The following ASPH variants were observed in gnomAD, a reference collection of about 807,000 sequenced individuals.
ASPH encodes aspartyl/asparaginyl beta-hydroxylase.
In ASPH, 100 loss-of-function variants were observed where a neutral mutation model predicts 118.4. The ratio of observed to expected loss-of-function variants is 0.84; its 90% CI spans 0.72 to 1.00. ASPH has a LOEUF of 1.00. ASPH is among the 50% of genes least tolerant of loss of function. ASPH has a pLI of 0.00. For synonymous variants in ASPH, 315 were observed against 325.6 expected, an observed-to-expected ratio of 0.97 and a Z score of 0.35; for missense variants, 920 against 919.5, an observed-to-expected ratio of 1.00 and a Z score of -0.01.
At chr8:61,537,738 C>A (rs1425370835) in intron 21 of ASPH, among the ~76,000 whole-genome samples, 4 of 152,134 alleles carry the variant, frequency 2.6e-5, no homozygotes, top group Non-Finnish European at 4.4e-5. Flanking sequence ...GAGTACCAAC[C>A]TAGAGGTATA....
At chr8:61,541,423 G>A (rs996739760) in intron 21 of ASPH, among the ~76,000 whole-genome samples, 1 of 152,172 alleles carries the variant, frequency 6.6e-6, no homozygotes, top group Non-Finnish European at 1.5e-5. Flanking sequence ...CCAAAATCTG[G>A]GTAATTATTC....
chr8:61,517,371 A>G (rs928383156), intron 24 of ASPH, 157 bp downstream of exon 24: 79 of 1,075,174 alleles, frequency 7.3e-5, no homozygotes, highest in Non-Finnish European at 1.0e-4. Context: ...GAAAGCACCA[A>G]GAAGGGATAT....
At chr8:61,539,699 G>GGTGTGTGTGTGTGT (rs10522481) in intron 21 of ASPH, among the ~76,000 whole-genome samples, 6,610 of 124,016 alleles carry the variant, frequency 0.053, 353 homozygotes, top group Non-Finnish European at 0.072. Flanking sequence ...ACACTTCTGG[G>GGTGTGTGTGTGTGT]GTGTGTGTGT....
intron 16 of ASPH, 185 bp downstream of exon 16, chr8:61,576,587 G>A: frequency 4.0e-6 from 2 of 502,534 alleles, no homozygotes; most frequent in African/African-American, 1.9e-5. Flanking sequence ...AGGGGGAGCA[G>A]AAAAAAATGT....
Position 61,500,942 on chromosome 8 carries a change from C to T in ASPH, c.*2417G>A, listed in dbSNP as rs1254929281. ...TATTACTAATCTTAATTATTTATTA[C>T]ATCATCTCTTTCTCAATGGATCTAA... On this transcript the variant is annotated 3_prime_UTR_variant, in exon 25 of 25. Coordinates refer to ENST00000379454, the MANE Select transcript of ASPH (RefSeq NM_004318.4). The T allele has an allele frequency of 2.0e-5, 3 of 152,068 alleles. No homozygotes were observed. The highest frequency in any genetic ancestry group is 2.0e-4 in the Admixed American group (3 of 15,268). The allele number at this position is 152,068 out of a possible 1,614,324, so 9.4% of individuals were successfully genotyped here.
intron 13 of ASPH, chr8:61,632,581 C>A: frequency 2.3e-6 from 1 of 441,484 alleles, no homozygotes; most frequent in Non-Finnish European, 4.4e-6. Context: ...TAGTAGTCAT[C>A]ATGTAAAAGG....
At chr8:61,646,575 A>G (rs1272285748) in intron 6 of ASPH, among the ~76,000 whole-genome samples, 175 bp downstream of exon 6, 1 of 152,222 alleles carries the variant, frequency 6.6e-6, no homozygotes, top group Non-Finnish European at 1.5e-5. Context: ...GCTTTGAACC[A>G]AAATCAAGGT....
intron 17 of ASPH, among the ~76,000 whole-genome samples, chr8:61,563,920 C>T (rs1253055766): frequency 2.6e-5 from 4 of 152,224 alleles, no homozygotes; most frequent in Admixed American, 2.6e-4. Context: ...AACTTCACCA[C>T]CATGTCATTT....
intron 1 of ASPH, among the ~76,000 whole-genome samples, chr8:61,702,162 G>A (rs1835374364): frequency 6.6e-6 from 1 of 151,606 alleles, no homozygotes; most frequent in Non-Finnish European, 1.5e-5. Context: ...GAAATTTTAA[G>A]TAGTCCTGTA....
At chr8:61,631,027 A>T (rs1855338949) in intron 13 of ASPH, among the ~76,000 whole-genome samples, 1 of 152,176 alleles carries the variant, frequency 6.6e-6, no homozygotes, top group African/African-American at 2.4e-5. Context: ...AAAAAAGTTT[A>T]AAAAGTTAAA....
chr8:61,657,473 G>C (rs561782633), intron 3 of ASPH: 1 of 152,248 alleles, frequency 6.6e-6, no homozygotes, highest in South Asian at 2.1e-4. Flanking sequence ...GTACTGTACC[G>C]AATACTGTAG....
chr8:61,628,439 C>A, intron 13 of ASPH: 1 of 291,946 alleles, frequency 3.4e-6, no homozygotes, highest in Non-Finnish European at 6.6e-6. Flanking sequence ...AAAGTGCTGA[C>A]ACTACATGCG....
intron 14 of ASPH, among the ~76,000 whole-genome samples, chr8:61,597,196 G>GAAAAAAA (rs34291472): frequency 8.9e-6 from 1 of 112,802 alleles, no homozygotes; most frequent in Non-Finnish European, 1.7e-5. Context: ...ATCCAGTCAG[G>GAAAAAAA]AAAAAAAAAA....
chr8:61,552,714 AC>A (rs1826441999), intron 20 of ASPH, among the ~76,000 whole-genome samples: 1 of 152,216 alleles, frequency 6.6e-6, no homozygotes, highest in Non-Finnish European at 1.5e-5. Context: ...ATCTCTCTGT[AC>A]ACACACAGAC....
At chr8:61,694,411 A>G (rs1188865663) in intron 1 of ASPH, among the ~76,000 whole-genome samples, 1 of 150,564 alleles carries the variant, frequency 6.6e-6, no homozygotes, top group Non-Finnish European at 1.5e-5. Flanking sequence ...CCTCCCACTC[A>G]CTCCTTACAA....
chr8:61,648,384 T>C (rs1478552520), intron 5 of ASPH, among the ~76,000 whole-genome samples: 1 of 152,242 alleles, frequency 6.6e-6, no homozygotes, highest in East Asian at 1.9e-4. Context: ...GGCCTATTTA[T>C]GTTGATGCTA....
chr8:61,578,916 C>T lies in ASPH; in HGVS notation c.1063-2058G>A, dbSNP rs572852072. 9.7e-5 allele frequency: 156 copies of T among 1,611,260 alleles called. No individual in the cohort carries two copies. The East Asian group carries it at 1.6e-3, about 16-fold the overall frequency. ...CAGGCAGCTGTACGAAAAGGAGATC[C>T]GGGAGCTGCAGTCCCAGATCTCGGA... On this transcript the variant is annotated intron_variant, in intron 15 of 24. Transcript: ENST00000379454.
At chr8:61,549,628 T>TA (rs1280226460) in intron 20 of ASPH, among the ~76,000 whole-genome samples, 17 of 152,174 alleles carry the variant, frequency 1.1e-4, no homozygotes, top group Non-Finnish European at 2.2e-4. Context: ...CTAATTTTTT[T>TA]AAAAAATAGC....
intron 3 of ASPH, chr8:61,665,424 T>G (rs1435674990): frequency 8.7e-6 from 14 of 1,604,002 alleles, no homozygotes; most frequent in Non-Finnish European, 8.5e-7. Context: ...AGGTCCACTT[T>G]CTCTTTTTCT....
Sources: allele counts gnomAD v4.1 joint callset (sites outside exome capture counted in the v4.1 genomes callset), GRCh38; gene constraint gnomAD v4.1.1; transcripts MANE v1.5; gene names NCBI Gene and HGNC (gene_info 2026-07-23, HGNC 2026-07-21).